FUT8: variants seen among roughly 807,000 people sequenced by gnomAD.
FUT8 encodes alpha-(1,6)-fucosyltransferase.
A neutral mutation model predicts 71.3 loss-of-function variants in FUT8; 29 were observed. That is an observed-to-expected ratio of 0.41 (90% CI 0.30 to 0.55). The LOEUF (loss-of-function observed/expected upper bound fraction) is 0.55, where lower values mean the gene tolerates loss of function less well. FUT8 is among the 20% of genes least tolerant of loss of function. FUT8 has a pLI of 0.34. For synonymous variants in FUT8, 254 were observed against 239.3 expected, an observed-to-expected ratio of 1.06 and a Z score of -0.57; for missense variants, 544 against 702.1, an observed-to-expected ratio of 0.77 and a Z score of 2.55.
chr14:65,484,276 A>G (rs1303756208), intron 2 of FUT8, among the ~76,000 whole-genome samples: 1 of 152,154 alleles, frequency 6.6e-6, no homozygotes, highest in Non-Finnish European at 1.5e-5. Flanking sequence ...AACCTCTGAT[A>G]TAATGTTGAA....
At chr14:65,536,797 C>G (rs1405585665) in intron 2 of FUT8, among the ~76,000 whole-genome samples, 1 of 152,164 alleles carries the variant, frequency 6.6e-6, no homozygotes, top group Non-Finnish European at 1.5e-5. Context: ...GTTGGCCTCT[C>G]TCTATAGGTT....
At chr14:65,649,808 CAT>C (rs1402042733) in intron 6 of FUT8, among the ~76,000 whole-genome samples, 5 of 152,230 alleles carry the variant, frequency 3.3e-5, no homozygotes, top group Middle Eastern at 3.4e-3. Context: ...TTAAAAGAAA[CAT>C]ATTAGCAAAT....
chr14:65,514,211 G>A (rs978029398), intron 2 of FUT8, among the ~76,000 whole-genome samples: 1 of 78,990 alleles, frequency 1.3e-5, no homozygotes, highest in Non-Finnish European at 2.6e-5. Context: ...TACCAAGATC[G>A]GTTGGGCAGT....
chr14:65,457,033 G>C (rs118071260), intron 2 of FUT8, among the ~76,000 whole-genome samples: 4 of 152,080 alleles, frequency 2.6e-5, no homozygotes, highest in East Asian at 1.9e-4. Flanking sequence ...AAGAAAATTT[G>C]AATTATTCTC....
At chr14:65,702,068 G>T (rs759194988) in intron 7 of FUT8, among the ~76,000 whole-genome samples, 5 of 152,178 alleles carry the variant, frequency 3.3e-5, no homozygotes, top group African/African-American at 1.2e-4. Flanking sequence ...ACAAGAGGCC[G>T]GGCGTGGTGG....
chr14:65,644,976 G>GA (rs1352121144), intron 6 of FUT8, among the ~76,000 whole-genome samples: 14 of 151,846 alleles, frequency 9.2e-5, no homozygotes, highest in Non-Finnish European at 1.8e-4. Context: ...GAAATCACTG[G>GA]AAAAAAAGCA....
upstream of FUT8, among the ~76,000 whole-genome samples, chr14:65,408,403 G>A (rs1257224123): frequency 6.6e-6 from 1 of 152,106 alleles, no homozygotes; most frequent in African/African-American, 2.4e-5. Flanking sequence ...AGGGGAGGAG[G>A]GTATCTGGGG....
chr14:65,566,754 T>G (rs1046190927), intron 3 of FUT8, among the ~76,000 whole-genome samples: 3 of 152,034 alleles, frequency 2.0e-5, no homozygotes, highest in African/African-American at 7.2e-5. Flanking sequence ...CATCTCTTTC[T>G]TTCTTGTTCA....
chr14:65,674,103 A>G (rs549215566), intron 7 of FUT8, among the ~76,000 whole-genome samples: 1 of 152,300 alleles, frequency 6.6e-6, no homozygotes, highest in Admixed American at 6.5e-5. Context: ...AATGTGATTA[A>G]GAATATATAG....
chr14:65,600,578 A>G (rs1380608778), intron 3 of FUT8, among the ~76,000 whole-genome samples: 3 of 152,154 alleles, frequency 2.0e-5, no homozygotes, highest in Admixed American at 1.3e-4. Flanking sequence ...TGGGATGAAT[A>G]TTTTGCAGCT....
chr14:65,422,243 G>T (rs1182715787), intron 1 of FUT8, among the ~76,000 whole-genome samples: 1 of 151,944 alleles, frequency 6.6e-6, no homozygotes, highest in East Asian at 1.9e-4. Flanking sequence ...TTTGTTCTAT[G>T]ACCAAAAGAC....
chr14:65,475,214 A>C (rs548764345), intron 2 of FUT8, among the ~76,000 whole-genome samples: 2 of 152,342 alleles, frequency 1.3e-5, no homozygotes, highest in South Asian at 4.1e-4. Context: ...ACAATTTAGA[A>C]GGTCAACTAG....
At position 65,646,866 on chromosome 14, in the gene FUT8, G is replaced by T. The variant is rs564897223; in HGVS notation, c.597+17260G>T. 1.8e-4 allele frequency among the ~76,000 whole-genome samples: 28 copies of T among 152,230 alleles called. No individual in the cohort carries two copies. The East Asian group carries it at 4.8e-3, about 26-fold the overall frequency. ...TGATTAAAACATATGGATAAGCTCTGACCCTGAAAAATGAACATGATAATT... is the reference window on the plus strand; with the variant it reads ...TGATTAAAACATATGGATAAGCTCTTACCCTGAAAAATGAACATGATAATT... On this transcript the variant is annotated intron_variant, in intron 6 of 10. Transcript: ENST00000673929.
At chr14:65,644,113 G>C (rs968930125) in intron 6 of FUT8, among the ~76,000 whole-genome samples, 1 of 152,066 alleles carries the variant, frequency 6.6e-6, no homozygotes, top group Admixed American at 6.6e-5. Flanking sequence ...GAGTTCCAGC[G>C]AAGCAAGAAT....
chr14:65,573,711 G>T (rs1886606590), intron 3 of FUT8, among the ~76,000 whole-genome samples: 1 of 149,402 alleles, frequency 6.7e-6, no homozygotes, highest in African/African-American at 2.5e-5. Context: ...TCCAGCCTGG[G>T]CAACACAGTG....
At chr14:65,723,530 C>T (rs1895533015) in intron 8 of FUT8, among the ~76,000 whole-genome samples, 3 of 152,050 alleles carry the variant, frequency 2.0e-5, no homozygotes, top group African/African-American at 7.2e-5. Context: ...GCATTATGCC[C>T]ACAACAGAAG....
chr14:65,738,856 A>G (rs552653430), intron 10 of FUT8, among the ~76,000 whole-genome samples: 190 of 152,190 alleles, frequency 1.2e-3, no homozygotes, highest in African/African-American at 4.1e-3. Context: ...AATATCACCC[A>G]TGGACTTGTG....
the FUT8 span, among the ~76,000 whole-genome samples, chr14:65,396,237 G>A: frequency 6.6e-6 from 1 of 152,160 alleles, no homozygotes; most frequent in African/African-American, 2.4e-5. This position sits in a 1 kb window ranked among gnomAD's most constrained non-coding sequence, Gnocchi z 5.5. Context: ...CAGTTCCAAA[G>A]TCACTTCCAC....
chr14:65,410,239 G>A (rs1240978496), upstream of FUT8, among the ~76,000 whole-genome samples: 2 of 152,018 alleles, frequency 1.3e-5, no homozygotes, highest in African/African-American at 2.4e-5. Flanking sequence ...GAAGAGGCAG[G>A]GTATAAAATT....
Sources: gnomAD v4.1 joint callset for allele counts (sites outside exome capture counted in the v4.1 genomes callset) on GRCh38, gnomAD v4.1.1 for gene constraint, Gnocchi (gnomAD v3.1) non-coding constraint, MANE v1.5 for transcripts, NCBI Gene and HGNC (gene_info 2026-07-23, HGNC 2026-07-21) for gene names.